Variants in EYS observed in about 807,000 individuals in gnomAD.
EYS encodes the protein protein eyes shut homolog.
EYS carries 250 observed loss-of-function variants against 282.1 expected under a neutral mutation model. The ratio of observed to expected loss-of-function variants is 0.89; its 90% CI spans 0.80 to 0.98. The LOEUF is 0.98. Ranked by LOEUF, EYS falls within the 50% of genes least tolerant of loss-of-function variation. EYS has a pLI of 0.00. For synonymous variants in EYS, 1,355 were observed against 1,282.9 expected (o/e 1.06, Z -1.20); for missense variants, 4,016 against 3,709.0 (o/e 1.08, Z -2.15).
intron 22 of EYS, among the ~76,000 whole-genome samples, chr6:64,744,414 C>T (rs909645749): frequency 2.0e-5 from 3 of 152,134 alleles, no homozygotes; most frequent in African/African-American, 4.8e-5. Context: ...CCAATCAAGG[C>T]ATCTTATCAC....
chr6:64,376,552 G>T (rs1020534697), intron 29 of EYS, among the ~76,000 whole-genome samples: 14 of 152,184 alleles, frequency 9.2e-5, no homozygotes, highest in African/African-American at 2.9e-4. Context: ...TATGTGAGGG[G>T]CCTGAGCTAT....
At chr6:64,723,577 G>T (rs1306034301) in intron 22 of EYS, among the ~76,000 whole-genome samples, 1 of 152,118 alleles carries the variant, frequency 6.6e-6, no homozygotes, top group East Asian at 1.9e-4. Context: ...GCTGATGCAA[G>T]AACTCTTCCA....
chr6:65,191,157 ATTTC>A (rs1416151973), intron 12 of EYS, among the ~76,000 whole-genome samples: 1 of 151,858 alleles, frequency 6.6e-6, no homozygotes, highest in Non-Finnish European at 1.5e-5. Context: ...GACTGAAAAT[ATTTC>A]TTTAAAATGA....
In EYS at chr6:64,000,185, T is replaced by TCAG. The variant is rs1332231080; in HGVS notation, c.6726-1003_6726-1002insCTG. On this transcript the variant is annotated intron_variant, in intron 33 of 42. Coordinates refer to ENST00000503581, the MANE Select transcript of EYS (RefSeq NM_001142800.2). ...ACATGGGACTTTTTTTTTTTTTTTTTTTTTTTTTTTTTTTTTTTTTTTTTT... is the reference window on the plus strand; with the variant it reads ...ACATGGGACTTTTTTTTTTTTTTTTTCAGTTTTTTTTTTTTTTTTTTTTTTTTT... 1.1e-3 allele frequency among the ~76,000 whole-genome samples: 101 copies of TCAG among 94,294 alleles called. 11 individuals are homozygous for TCAG. In the East Asian group the frequency reaches 0.024, roughly 22 times the overall value. The allele number at this position is 94,294 out of a possible 152,430, so 61.9% of individuals were successfully genotyped here.
intron 22 of EYS, among the ~76,000 whole-genome samples, chr6:64,755,415 C>T (rs541639540): frequency 6.6e-6 from 1 of 151,356 alleles, no homozygotes; most frequent in East Asian, 1.9e-4. Flanking sequence ...AATTGAAAGT[C>T]CTGAAATTCT....
chr6:64,339,034 A>G (rs1770982496), intron 29 of EYS, among the ~76,000 whole-genome samples: 1 of 152,180 alleles, frequency 6.6e-6, no homozygotes, highest in South Asian at 2.1e-4. Context: ...TAAAAATTCT[A>G]GAAGATAACA....
intron 22 of EYS, among the ~76,000 whole-genome samples, chr6:64,665,013 T>G (rs1769180634): frequency 6.6e-6 from 1 of 152,138 alleles, no homozygotes; most frequent in Admixed American, 6.5e-5. Flanking sequence ...TGCACATGTG[T>G]GAAAAAAGAG....
At chr6:65,336,804 C>A (rs1182333038) in intron 10 of EYS, among the ~76,000 whole-genome samples, 1 of 151,486 alleles carries the variant, frequency 6.6e-6, no homozygotes, top group Middle Eastern at 3.2e-3. Context: ...CTTTAAAAAT[C>A]TTCCACAGAT....
chr6:64,980,548 T>C (rs1464649619), intron 14 of EYS, among the ~76,000 whole-genome samples: 3 of 151,484 alleles, frequency 2.0e-5, no homozygotes, highest in East Asian at 1.9e-4. Context: ...ATGTCTGATA[T>C]TAGCTAATAT....
chr6:63,893,376 C>T (rs564924359), intron 35 of EYS, among the ~76,000 whole-genome samples: 1 of 152,216 alleles, frequency 6.6e-6, no homozygotes, highest in Admixed American at 6.5e-5. Flanking sequence ...TACATATACA[C>T]CATGGAATAC....
At chr6:65,001,063 G>A (rs1035064762) in intron 13 of EYS, among the ~76,000 whole-genome samples, 1 of 152,184 alleles carries the variant, frequency 6.6e-6, no homozygotes, top group African/African-American at 2.4e-5. Flanking sequence ...CTCTGGACCT[G>A]TGGTAGTGTC....
intron 36 of EYS, among the ~76,000 whole-genome samples, chr6:63,849,423 C>T (rs1277399938): frequency 2.0e-5 from 3 of 152,174 alleles, no homozygotes; most frequent in African/African-American, 4.8e-5. Context: ...TTGAAAGACA[C>T]CTCATACAGG....
intron 8 of EYS, among the ~76,000 whole-genome samples, chr6:65,362,140 G>T (rs1295984411): frequency 6.6e-6 from 1 of 151,958 alleles, no homozygotes; most frequent in Non-Finnish European, 1.5e-5. Flanking sequence ...TCATCACCAA[G>T]TATTTGATTT....
intron 22 of EYS, among the ~76,000 whole-genome samples, chr6:64,780,254 G>A (rs2149992918): frequency 6.6e-6 from 1 of 152,198 alleles, no homozygotes; most frequent in East Asian, 1.9e-4. Context: ...AGTAATAAGA[G>A]GCTGAAATAA....
chr6:64,546,163 C>T (rs1331934034), intron 26 of EYS, among the ~76,000 whole-genome samples: 1 of 152,044 alleles, frequency 6.6e-6, no homozygotes, highest in Non-Finnish European at 1.5e-5. Context: ...GGTACTGGTA[C>T]CAAAACAGAG....
At chr6:64,480,486 G>A (rs1781249104) in intron 26 of EYS, among the ~76,000 whole-genome samples, 1 of 151,802 alleles carries the variant, frequency 6.6e-6, no homozygotes, top group South Asian at 2.1e-4. Flanking sequence ...TGAAGAAAAA[G>A]TTAATCTTTG....
rs1284011398 is a variant in EYS at position 63,788,143 on chromosome 6, A to C, written c.7685T>G (p.Leu2562Arg). ...TTTAAAATCTGCTCCATTTGGTAAG[A>C]GATCTGGAGTGTATTCACTGTAGCC... ...VGGYSEYTPD[L>R]LPNGADFKNG... The change falls in exon 39 of 43, where the codon CTC (leucine) becomes CGC (arginine). Residue 2562 changes from leucine to arginine, a missense_variant. By Grantham distance (102) the Leu-to-Arg change is moderately radical (BLOSUM62 -2). Transcript: ENST00000503581. 1.9e-6 allele frequency: 3 copies of C among 1,544,826 alleles called. No individual in the cohort carries two copies. Among genetic ancestry groups the C allele is most frequent in the Non-Finnish European group, 2.6e-6 (3 of 1,145,062 alleles).
chr6:63,740,950 T>A (rs1037967501), intron 41 of EYS, among the ~76,000 whole-genome samples: 1 of 152,162 alleles, frequency 6.6e-6, no homozygotes, highest in African/African-American at 2.4e-5. Context: ...TTGGGAAAGG[T>A]CCAGGGTTTT....
chr6:65,128,375 G>T (rs552362366), intron 12 of EYS, among the ~76,000 whole-genome samples: 53 of 151,908 alleles, frequency 3.5e-4, no homozygotes, highest in African/African-American at 1.3e-3. Flanking sequence ...AATAAGAAAA[G>T]AACTTGAACT....
Sources: allele counts gnomAD v4.1 joint callset (sites outside exome capture counted in the v4.1 genomes callset), GRCh38; gene constraint gnomAD v4.1.1; transcripts MANE v1.5; gene names NCBI Gene and HGNC (gene_info 2026-07-23, HGNC 2026-07-21).